UNC13C: variants seen among roughly 807,000 people sequenced by gnomAD.
UNC13C encodes the protein protein unc-13 homolog C.
In UNC13C, 174 loss-of-function variants were observed where a neutral mutation model predicts 245.4. The ratio of observed to expected loss-of-function variants is 0.71; its 90% confidence interval spans 0.63 to 0.80. The LOEUF (loss-of-function observed/expected upper bound fraction) is 0.80. UNC13C is among the 30% of genes least tolerant of loss of function. The pLI is 0.00. For synonymous variants in UNC13C, 992 were observed against 895.1 expected, an observed-to-expected ratio of 1.11 and a Z score of -1.93; for missense variants, 2,829 against 2,602.9, an observed-to-expected ratio of 1.09 and a Z score of -1.89.
At chr15:54,574,354 T>C (rs1028571906) in intron 30 of UNC13C, among the ~76,000 whole-genome samples, 1 of 152,190 alleles carries the variant, frequency 6.6e-6, no homozygotes, top group African/African-American at 2.4e-5. Flanking sequence ...CTTACAGTTT[T>C]AGAAGCTGGT....
chr15:54,134,772 G>A (rs931457316), intron 2 of UNC13C, among the ~76,000 whole-genome samples: 66 of 152,194 alleles, frequency 4.3e-4, no homozygotes, highest in Middle Eastern at 3.4e-3. Context: ...ATTCTGCAGT[G>A]AATATGGCAG....
At chr15:54,513,491 T>A (rs1453848176) in intron 24 of UNC13C, among the ~76,000 whole-genome samples, 1 of 152,188 alleles carries the variant, frequency 6.6e-6, no homozygotes, top group Non-Finnish European at 1.5e-5. Context: ...ATTAAAAATG[T>A]TATAAAGTGG....
chr15:54,068,308 G>C (rs1267664801), intron 2 of UNC13C, among the ~76,000 whole-genome samples: 1 of 152,188 alleles, frequency 6.6e-6, no homozygotes, highest in African/African-American at 2.4e-5. Context: ...GTTGTGAAGT[G>C]TTTGCCATTA....
intron 30 of UNC13C, among the ~76,000 whole-genome samples, chr15:54,594,340 T>C (rs1211253598): frequency 5.3e-5 from 8 of 152,056 alleles, no homozygotes; most frequent in African/African-American, 1.9e-4. Flanking sequence ...AAGCATCAGC[T>C]GTAGTAGTGT....
intron 2 of UNC13C, among the ~76,000 whole-genome samples, chr15:54,123,325 G>A (rs946328874): frequency 5.3e-5 from 8 of 151,528 alleles, no homozygotes; most frequent in Non-Finnish European, 1.0e-4. Context: ...ACTAGAGAGA[G>A]ATGTAATGAA....
At chr15:54,279,025 G>T (rs145870420) in intron 10 of UNC13C, among the ~76,000 whole-genome samples, 1,562 of 152,244 alleles carry the variant, frequency 0.01, 27 homozygotes, top group African/African-American at 0.036. Flanking sequence ...TTTTCATTCA[G>T]ATGTTCATAA....
chr15:53,889,956 A>G, the UNC13C span, among the ~76,000 whole-genome samples: 1 of 152,178 alleles, frequency 6.6e-6, no homozygotes, highest in African/African-American at 2.4e-5. Flanking sequence ...TCGATTTGCC[A>G]GTATTTTATT....
At chr15:54,630,618 C>T (rs1901439224), downstream of UNC13C, 7 of 152,084 alleles carry the variant, frequency 4.6e-5, no homozygotes, top group Admixed American at 4.6e-4. Context: ...ACTGCCCTCC[C>T]CTGTGGAATG....
At chr15:54,058,874 C>T (rs1486980150) in intron 2 of UNC13C, among the ~76,000 whole-genome samples, 3 of 152,108 alleles carry the variant, frequency 2.0e-5, no homozygotes, top group Non-Finnish European at 4.4e-5. Context: ...ATGATTATCT[C>T]GATAGATGCA....
At chr15:54,420,431 A>T (rs1307427278) in intron 19 of UNC13C, among the ~76,000 whole-genome samples, 1 of 151,482 alleles carries the variant, frequency 6.6e-6, no homozygotes, top group Non-Finnish European at 1.5e-5. Context: ...TTTATTATCT[A>T]TACTGTGAAG....
intron 2 of UNC13C, among the ~76,000 whole-genome samples, chr15:54,044,041 C>T (rs1002203739): frequency 6.6e-6 from 1 of 152,072 alleles, no homozygotes; most frequent in Non-Finnish European, 1.5e-5. Flanking sequence ...TTTTGTCACC[C>T]CAAAAAGAAA....
At chr15:54,041,589 G>A (rs574440950) in intron 2 of UNC13C, among the ~76,000 whole-genome samples, 4 of 152,292 alleles carry the variant, frequency 2.6e-5, no homozygotes, top group Admixed American at 2.6e-4. Context: ...TAGTAGTTAA[G>A]AGCATGATTC....
chr15:54,212,161 G>A (rs959271131), intron 4 of UNC13C, among the ~76,000 whole-genome samples: 1 of 151,992 alleles, frequency 6.6e-6, no homozygotes, highest in African/African-American at 2.4e-5. Flanking sequence ...AACTTGACAT[G>A]TTCTCTTTAC....
At chr15:54,416,878 C>T (rs1027782950) in intron 19 of UNC13C, 12 of 456,184 alleles carry the variant, frequency 2.6e-5, no homozygotes, top group African/African-American at 1.4e-4. Context: ...TTATTGTCTT[C>T]GCTACAGTAA....
At chr15:53,867,496 G>A in the UNC13C span, among the ~76,000 whole-genome samples, 1 of 152,154 alleles carries the variant, frequency 6.6e-6, no homozygotes, top group Non-Finnish European at 1.5e-5. Context: ...TACAACTTCT[G>A]CAGTTCTTTA....
chr15:54,175,508 A>ATTTTTTTTT (rs55925649), intron 4 of UNC13C, among the ~76,000 whole-genome samples: 19 of 105,982 alleles, frequency 1.8e-4, no homozygotes, highest in East Asian at 9.2e-4. Context: ...TGGCCCTAGA[A>ATTTTTTTTT]TTTTTTTTTT....
At chr15:53,982,569 C>T (rs908345890) in intron 1 of UNC13C, among the ~76,000 whole-genome samples, 4 of 152,080 alleles carry the variant, frequency 2.6e-5, no homozygotes, top group African/African-American at 4.8e-5. Context: ...AAGTGGCACA[C>T]AACTGAAAAA....
chr15:53,861,979 A>G, the UNC13C span, among the ~76,000 whole-genome samples: 2 of 152,178 alleles, frequency 1.3e-5, no homozygotes, highest in African/African-American at 4.8e-5. Flanking sequence ...GAGGCATTAA[A>G]TCTCGGCTGT....
chr15:54,579,958 T>C (rs533012059), intron 30 of UNC13C, among the ~76,000 whole-genome samples: 6 of 152,232 alleles, frequency 3.9e-5, no homozygotes, highest in Non-Finnish European at 8.8e-5. Flanking sequence ...TACTTTTTAA[T>C]ATTTTTGTTA....
Sources: gnomAD v4.1 joint callset for allele counts (sites outside exome capture counted in the v4.1 genomes callset) on GRCh38, gnomAD v4.1.1 for gene constraint, MANE v1.5 for transcripts, NCBI Gene and HGNC (gene_info 2026-07-23, HGNC 2026-07-21) for gene names.